Variants in ZNF385B observed in about 807,000 individuals in gnomAD.
The protein encoded by ZNF385B is zinc finger protein 533.
In ZNF385B, 23 loss-of-function variants were observed where a neutral mutation model predicts 39.2. That is an observed-to-expected ratio of 0.59 (90% CI 0.42 to 0.83). The LOEUF (loss-of-function observed/expected upper bound fraction) is 0.83. Among genes scored for constraint, ZNF385B ranks in the 40% least tolerant of loss-of-function variants. ZNF385B has a pLI of 0.00. For missense variants in ZNF385B, 552 were observed against 598.9 expected, an observed-to-expected ratio of 0.92 and a Z score of 0.82; for synonymous variants, 205 against 222.6, an observed-to-expected ratio of 0.92 and a Z score of 0.70.
intron 3 of ZNF385B, among the ~76,000 whole-genome samples, chr2:179,601,172 T>C (rs1054499916): frequency 1.9e-4 from 29 of 152,232 alleles, no homozygotes; most frequent in African/African-American, 6.7e-4. Flanking sequence ...AGACCCTGGG[T>C]ATATTTCTAA....
At chr2:179,745,756 A>G in intron 3 of ZNF385B, 2 of 1,538,404 alleles carry the variant, frequency 1.3e-6, no homozygotes, top group South Asian at 1.2e-5. Context: ...GGCTCTCACC[A>G]GCTTCAAGAG....
chr2:179,840,784 A>G (rs1708495804), intron 1 of ZNF385B, among the ~76,000 whole-genome samples: 1 of 152,236 alleles, frequency 6.6e-6, no homozygotes, highest in Non-Finnish European at 1.5e-5. Flanking sequence ...ATGCATTGAT[A>G]AAGGCCACAT....
At chr2:179,777,763 C>G (rs1314840357) in intron 1 of ZNF385B, among the ~76,000 whole-genome samples, 2 of 143,436 alleles carry the variant, frequency 1.4e-5, no homozygotes, top group Non-Finnish European at 3.0e-5. Context: ...TTCCTTATAT[C>G]AAGAGGTTTT....
intron 1 of ZNF385B, among the ~76,000 whole-genome samples, chr2:179,860,313 A>G (rs1234418007): frequency 6.6e-6 from 1 of 152,158 alleles, no homozygotes; most frequent in Non-Finnish European, 1.5e-5. Flanking sequence ...TTTCCCCTGA[A>G]GAACAGCACT....
chr2:179,635,098 C>T (rs547576911), intron 3 of ZNF385B, among the ~76,000 whole-genome samples: 10 of 150,588 alleles, frequency 6.6e-5, no homozygotes, highest in South Asian at 2.1e-4. Context: ...GCTGAGATTG[C>T]GCCACTGCAC....
At chr2:179,531,951 T>C in intron 4 of ZNF385B, among the ~76,000 whole-genome samples, 1 of 152,228 alleles carries the variant, frequency 6.6e-6, no homozygotes, top group South Asian at 2.1e-4. Context: ...GTGGAAAACA[T>C]TTTTGGTTTA....
chr2:179,637,137 C>T, intron 3 of ZNF385B: 1 of 152,146 alleles, frequency 6.6e-6, no homozygotes, highest in Non-Finnish European at 1.5e-5. Context: ...CTATGTCTGT[C>T]AAGCCTGGGA....
chr2:179,533,055 C>T (rs998490889), intron 4 of ZNF385B, among the ~76,000 whole-genome samples: 8 of 152,092 alleles, frequency 5.3e-5, no homozygotes, highest in African/African-American at 1.9e-4. Context: ...CTGACATTAC[C>T]CTTGCACTGT....
At chr2:179,553,802 A>G (rs2060729911) in intron 3 of ZNF385B, among the ~76,000 whole-genome samples, 1 of 149,360 alleles carries the variant, frequency 6.7e-6, no homozygotes, top group South Asian at 2.1e-4. Context: ...ACTAACAGGC[A>G]CTGTGGACAT....
chr2:179,532,055 A>G (rs754614679), intron 4 of ZNF385B, among the ~76,000 whole-genome samples: 7 of 152,242 alleles, frequency 4.6e-5, no homozygotes, highest in Non-Finnish European at 1.0e-4. Flanking sequence ...CTCTGCAGTG[A>G]TAATCGCTTT....
intron 6 of ZNF385B, among the ~76,000 whole-genome samples, chr2:179,478,163 C>T (rs2053626779): frequency 6.6e-6 from 1 of 152,146 alleles, no homozygotes; most frequent in Non-Finnish European, 1.5e-5. Context: ...TCCCATAACC[C>T]AGGTTCTTCA....
intron 1 of ZNF385B, among the ~76,000 whole-genome samples, chr2:179,848,145 G>A (rs2106624848): frequency 6.6e-6 from 1 of 152,304 alleles, no homozygotes; most frequent in African/African-American, 2.4e-5. Context: ...GAATTATGGA[G>A]CTATGTGGAG....
chr2:179,744,628 C>G (rs1256356350), intron 3 of ZNF385B, among the ~76,000 whole-genome samples: 1 of 152,016 alleles, frequency 6.6e-6, no homozygotes, highest in Admixed American at 6.6e-5. Context: ...AACAAATACA[C>G]ACTTAGCTAT....
chr2:179,516,184 A>G (rs148917028), intron 5 of ZNF385B, among the ~76,000 whole-genome samples: 74 of 152,126 alleles, frequency 4.9e-4, no homozygotes, highest in Middle Eastern at 3.4e-3. Flanking sequence ...TTTATTGATC[A>G]GTTGATGGAC....
chr2:179,786,158 G>A (rs1378686633), intron 1 of ZNF385B, among the ~76,000 whole-genome samples: 1 of 151,982 alleles, frequency 6.6e-6, no homozygotes, highest in Admixed American at 6.6e-5. Context: ...TTTCAATTAA[G>A]GTATGTACAT....
chr2:179,641,031 G>A (rs1692219514), intron 3 of ZNF385B, among the ~76,000 whole-genome samples: 1 of 151,982 alleles, frequency 6.6e-6, no homozygotes, highest in African/African-American at 2.4e-5. Flanking sequence ...AATCCTCTTT[G>A]AATCTTTTTT....
intron 3 of ZNF385B, 32 bp from the exon 4 acceptor site, chr2:179,545,001 T>C (rs776479636): frequency 2.3e-5 from 37 of 1,613,028 alleles, no homozygotes; most frequent in Admixed American, 6.7e-5. Context: ...TGAATTCAAT[T>C]TCTTGCTCAC....
intron 1 of ZNF385B, chr2:179,814,549 A>C (rs1226062627): frequency 1.3e-6 from 1 of 788,820 alleles, no homozygotes; most frequent in Non-Finnish European, 2.0e-6. Flanking sequence ...GGCAACAACA[A>C]GATTAACTGG....
chr2:179,555,077 G>T (rs1311622372), intron 3 of ZNF385B, among the ~76,000 whole-genome samples: 1 of 149,506 alleles, frequency 6.7e-6, no homozygotes, highest in African/African-American at 2.5e-5. Context: ...AAACTAGCCA[G>T]TTAATCTATC....
Sources: gnomAD v4.1 joint callset for allele counts (sites outside exome capture counted in the v4.1 genomes callset) on GRCh38, gnomAD v4.1.1 for gene constraint, MANE v1.5 for transcripts, NCBI Gene and HGNC (gene_info 2026-07-23, HGNC 2026-07-21) for gene names.